ZNF75D: variants seen among roughly 807,000 people sequenced by gnomAD.
ZNF75D encodes the protein zinc finger protein 75D.
Under a neutral mutation model 33.3 loss-of-function variants are expected in ZNF75D, and 33 were observed. The ratio of observed to expected loss-of-function variants is 0.99; its 90% confidence interval spans 0.75 to 1.32. The LOEUF (loss-of-function observed/expected upper bound fraction) is 1.32, where lower values mean the gene tolerates loss of function less well. Among genes scored for constraint, ZNF75D ranks in the 40% most tolerant of loss-of-function variants. The pLI is 0.00. For missense variants in ZNF75D, 338 were observed against 367.5 expected (o/e 0.92, Z 0.66); for synonymous variants, 113 against 130.6 (o/e 0.87, Z 0.92).
chrX:135,334,400 A>G lies in ZNF75D; in HGVS notation c.-391+7368T>C, dbSNP rs781801768. Among the ~76,000 whole-genome samples the G allele has an allele frequency of 8.9e-5, 10 of 111,771 alleles. 1 individual carries two copies. In the South Asian group the frequency reaches 3.7e-3, roughly 42 times the overall value. ...TCTAGGGGCTTACAGTCCTAGTCTG[A>G]TAAGTTCACTTCCTGTGGAGCTTGA... On this transcript the variant is annotated intron_variant, in intron 1 of 6. Coordinates refer to ENST00000370766, the MANE Select transcript of ZNF75D (RefSeq NM_007131.5).
intron 1 of ZNF75D, among the ~76,000 whole-genome samples, chrX:135,306,111 T>C (rs2084281690): frequency 9.0e-6 from 1 of 111,184 alleles, no homozygotes; most frequent in Admixed American, 9.6e-5. Flanking sequence ...AGCTGTCTGC[T>C]GAGCAGAATG....
At chrX:135,262,232 C>T (rs1238186756) in intron 1 of ZNF75D, among the ~76,000 whole-genome samples, 3 of 111,893 alleles carry the variant, frequency 2.7e-5, no homozygotes, top group Non-Finnish European at 5.6e-5. Context: ...AACACTTTTT[C>T]CTTCATTTCA....
At chrX:135,318,362 ACTTT>A (rs781921026) in intron 1 of ZNF75D, among the ~76,000 whole-genome samples, 2 of 110,101 alleles carry the variant, frequency 1.8e-5, no homozygotes, top group South Asian at 3.9e-4. Flanking sequence ...TCCAGCTCCA[ACTTT>A]CTTTCTTTTC....
downstream of ZNF75D, among the ~76,000 whole-genome samples, chrX:135,283,458 A>G (rs2083928308): frequency 8.9e-6 from 1 of 112,011 alleles, no homozygotes. Flanking sequence ...CACCATGCCC[A>G]CCTACCTGCC....
chrX:135,306,286 C>G (rs1405155423), intron 1 of ZNF75D, among the ~76,000 whole-genome samples: 3 of 68,243 alleles, frequency 4.4e-5, no homozygotes, highest in Admixed American at 1.9e-4. Flanking sequence ...AACAGAGATA[C>G]ATACACACAC....
At chrX:135,277,031 G>A (rs1194776323) in intron 1 of ZNF75D, among the ~76,000 whole-genome samples, 5 of 111,790 alleles carry the variant, frequency 4.5e-5, no homozygotes, top group Non-Finnish European at 7.5e-5. Context: ...TGGGTCAAAT[G>A]GTATTTCTGG....
chrX:135,289,611 GACACACACACACACAGACACACACAC>G (rs1475636014), intron 6 of ZNF75D, among the ~76,000 whole-genome samples: 2 of 82,068 alleles, frequency 2.4e-5, no homozygotes, highest in African/African-American at 9.3e-5. Flanking sequence ...GTGAGACTCT[GACACACACACACACAGACACACACAC>G]ACACACACAC....
chrX:135,259,648 C>T (rs912681344), intron 1 of ZNF75D, among the ~76,000 whole-genome samples: 2 of 111,587 alleles, frequency 1.8e-5, no homozygotes, highest in Non-Finnish European at 3.8e-5. Flanking sequence ...GATTTTGTAT[C>T]CTAAGATTTT....
intron 1 of ZNF75D, among the ~76,000 whole-genome samples, chrX:135,299,805 T>G (rs1556424112): frequency 4.4e-5 from 5 of 112,633 alleles, no homozygotes; most frequent in Middle Eastern, 4.6e-3. Context: ...TGATCTAAGA[T>G]AGAGGTACAA....
chrX:135,339,830 G>A (rs185532504), intron 1 of ZNF75D, among the ~76,000 whole-genome samples: 58 of 111,461 alleles, frequency 5.2e-4, no homozygotes, highest in East Asian at 8.4e-4. Context: ...ATATCTCTCC[G>A]AAAGATTTGA....
intron 1 of ZNF75D, among the ~76,000 whole-genome samples, chrX:135,340,219 A>G (rs1556444251): frequency 1.8e-5 from 2 of 112,473 alleles, no homozygotes. Flanking sequence ...ACTGTTCAGT[A>G]AACACCTGTA....
intron 1 of ZNF75D, among the ~76,000 whole-genome samples, chrX:135,326,509 CA>C (rs1281051391): frequency 2.7e-5 from 3 of 112,218 alleles, no homozygotes; most frequent in South Asian, 3.7e-4. Context: ...TACCAATCAG[CA>C]GGATGTGGGT....
At chrX:135,265,622 T>C (rs781991464) in intron 1 of ZNF75D, among the ~76,000 whole-genome samples, 1 of 112,042 alleles carries the variant, frequency 8.9e-6, no homozygotes, top group Non-Finnish European at 1.9e-5. Flanking sequence ...AACTGTCCTT[T>C]AAGCATGAAG....
intron 1 of ZNF75D, among the ~76,000 whole-genome samples, chrX:135,259,526 T>G (rs782715998): frequency 5.4e-5 from 6 of 111,694 alleles, no homozygotes; most frequent in South Asian, 3.8e-4. Flanking sequence ...TTGTAAGTTG[T>G]ATTCCTAGGC....
intron 1 of ZNF75D, among the ~76,000 whole-genome samples, chrX:135,305,368 C>T (rs1396880941): frequency 1.8e-5 from 2 of 111,652 alleles, no homozygotes; most frequent in African/African-American, 6.5e-5. Context: ...CATTTGAACA[C>T]CTTGTATGCT....
chrX:135,259,986 G>T (rs1556415235), intron 1 of ZNF75D, among the ~76,000 whole-genome samples: 1 of 112,083 alleles, frequency 8.9e-6, no homozygotes, highest in Admixed American at 9.4e-5. Flanking sequence ...CTAGTTTATT[G>T]AGAGTTTTTA....
intron 1 of ZNF75D, among the ~76,000 whole-genome samples, chrX:135,302,958 T>C (rs1157557781): frequency 1.8e-5 from 2 of 110,240 alleles, no homozygotes; most frequent in Non-Finnish European, 3.8e-5. Context: ...GGCAGGGTCA[T>C]AGGATAATAG....
At chrX:135,274,095 T>C (rs961123541) in intron 1 of ZNF75D, among the ~76,000 whole-genome samples, 8 of 111,908 alleles carry the variant, frequency 7.1e-5, no homozygotes, top group African/African-American at 2.3e-4. Context: ...ATCTCGTGGC[T>C]AGGGTTCCAA....
intron 1 of ZNF75D, among the ~76,000 whole-genome samples, chrX:135,319,146 C>A (rs1385618391): frequency 8.9e-6 from 1 of 111,858 alleles, no homozygotes; most frequent in Non-Finnish European, 1.9e-5. Context: ...TGGAACTAGA[C>A]CCCAAAACTC....
Sources: allele counts gnomAD v4.1 joint callset (sites outside exome capture counted in the v4.1 genomes callset), GRCh38; gene constraint gnomAD v4.1.1; transcripts MANE v1.5; gene names NCBI Gene and HGNC (gene_info 2026-07-23, HGNC 2026-07-21).